Variants in PM20D2 observed in about 807,000 individuals in gnomAD.
PM20D2 encodes the protein peptidase M20 domain containing 2, also known as xaa-Arg dipeptidase.
A neutral mutation model predicts 42.9 loss-of-function variants in PM20D2; 33 were observed. That is an observed-to-expected ratio of 0.77 (90% CI 0.58 to 1.03). The LOEUF (loss-of-function observed/expected upper bound fraction) is 1.03, where lower values mean the gene tolerates loss of function less well. PM20D2 is among the 50% of genes least tolerant of loss of function. The probability of loss-of-function intolerance (pLI) is 0.00; values close to 1 mark genes in which losing one functional copy is unlikely to be tolerated. For synonymous variants in PM20D2, 250 were observed against 228.2 expected, an observed-to-expected ratio of 1.10 and a Z score of -0.86; for missense variants, 548 against 557.0, an observed-to-expected ratio of 0.98 and a Z score of 0.16.
At chr6:89,140,674 T>G in the PM20D2 span, among the ~76,000 whole-genome samples, 1 of 152,166 alleles carries the variant, frequency 6.6e-6, no homozygotes, top group Non-Finnish European at 1.5e-5. Context: ...GTACACACTG[T>G]GGGGAATCAG....
the PM20D2 span, among the ~76,000 whole-genome samples, chr6:89,130,804 A>G: frequency 1.6e-4 from 9 of 57,382 alleles, no homozygotes; most frequent in South Asian, 6.8e-4. Context: ...ATTCTTTTGT[A>G]TCTGGCTTCT....
In PM20D2 at chr6:89,162,488, T is replaced by G. The variant is rs1771280017; in HGVS notation, c.*225T>G. 2.6e-6 allele frequency: 1 copy of G among 380,196 alleles called. No homozygotes were observed. Among genetic ancestry groups the G allele is most frequent in the Non-Finnish European group, 4.7e-6 (1 of 213,828 alleles). 23.6% of individuals were successfully genotyped at this position (380,196 alleles called of 1,614,324 possible). A position where few individuals can be genotyped will look rare whatever the true frequency, so the allele number is the denominator to read the frequency against. On this transcript the variant is annotated 3_prime_UTR_variant, in exon 7 of 7. Coordinates refer to ENST00000275072, the MANE Select transcript of PM20D2 (RefSeq NM_001010853.3). ...TTATGATATTACAGGAGCTGGTATG[T>G]GATGCCATTCTTTCTTTTTTTTTAC...
the PM20D2 span, among the ~76,000 whole-genome samples, chr6:89,116,858 G>T: frequency 6.6e-6 from 1 of 151,858 alleles, no homozygotes; most frequent in Non-Finnish European, 1.5e-5. Context: ...CATCTCAGAT[G>T]ACTATGGAGT....
In PM20D2 at chr6:89,165,142, T is replaced by A. The variant is rs1001620331; in HGVS notation, c.*2879T>A. ...GAACAAAAGAAATTGATACAATAAG[T>A]TTTTTTTTTTAAGGATGATTGTCTA... is the stretch of plus-strand genomic sequence containing the variant. On this transcript the variant is annotated 3_prime_UTR_variant, in exon 7 of 7. Coordinates refer to ENST00000275072, the MANE Select transcript of PM20D2 (RefSeq NM_001010853.3). The A allele has an allele frequency of 2.1e-5, 3 of 145,604 alleles. No individual in the cohort carries two copies. The highest frequency in any genetic ancestry group is 4.6e-5 in the Non-Finnish European group (3 of 65,930). 9.0% of individuals were successfully genotyped at this position (145,604 alleles called of 1,614,324 possible). A position where few individuals can be genotyped will look rare whatever the true frequency, so the allele number is the denominator to read the frequency against.
intron 2 of PM20D2, among the ~76,000 whole-genome samples, chr6:89,151,231 ATTC>A (rs1770826807): frequency 7.0e-6 from 1 of 142,098 alleles, no homozygotes; most frequent in Non-Finnish European, 1.5e-5. Flanking sequence ...TTTCTTAAAA[ATTC>A]TTTTTTTTTT....
upstream of PM20D2, among the ~76,000 whole-genome samples, chr6:89,143,626 A>AT (rs945138713): frequency 3.0e-4 from 46 of 151,608 alleles, no homozygotes; most frequent in Admixed American, 1.7e-3. Context: ...GCTTGTATAC[A>AT]TTTTTTTTTG....
intron 4 of PM20D2, among the ~76,000 whole-genome samples, chr6:89,155,213 T>C (rs1770997385): frequency 6.6e-6 from 1 of 151,562 alleles, no homozygotes; most frequent in Non-Finnish European, 1.5e-5. Context: ...AGAATTGCTA[T>C]ATGTAGTTTC....
intron 2 of PM20D2, among the ~76,000 whole-genome samples, chr6:89,152,090 T>C (rs1454628470): frequency 6.9e-6 from 1 of 145,162 alleles, no homozygotes; most frequent in Admixed American, 6.7e-5. Context: ...GGGAGATGAG[T>C]ACCAAAAAAA....
At chr6:89,115,411 T>C in the PM20D2 span, among the ~76,000 whole-genome samples, 2 of 151,270 alleles carry the variant, frequency 1.3e-5, no homozygotes, top group African/African-American at 2.4e-5. Flanking sequence ...GTCTCCTGAG[T>C]AGCTGGGATT....
At chr6:89,133,435 T>C in the PM20D2 span, among the ~76,000 whole-genome samples, 2 of 151,048 alleles carry the variant, frequency 1.3e-5, no homozygotes, top group Admixed American at 1.3e-4. Flanking sequence ...GTGGATTCTA[T>C]AGAGTCTTCA....
the PM20D2 span, among the ~76,000 whole-genome samples, chr6:89,139,183 TTGATCCTC>T: frequency 1.3e-5 from 2 of 152,038 alleles, no homozygotes; most frequent in African/African-American, 4.8e-5. Context: ...CTGGGCTCAG[TTGATCCTC>T]CCTAATAGAT....
At chr6:89,117,961 C>T in the PM20D2 span, 1 of 1,469,498 alleles carries the variant, frequency 6.8e-7, no homozygotes, top group Non-Finnish European at 9.1e-7. Context: ...CCGCTGCTAC[C>T]ACCACAGGAG....
chr6:89,116,767 C>CT, the PM20D2 span, among the ~76,000 whole-genome samples: 1 of 132,146 alleles, frequency 7.6e-6, no homozygotes, highest in Non-Finnish European at 1.6e-5. Context: ...AAGAGCGAGA[C>CT]TTTGTCTAAA....
At chr6:89,140,287 A>T in the PM20D2 span, among the ~76,000 whole-genome samples, 2 of 151,538 alleles carry the variant, frequency 1.3e-5, no homozygotes, top group Non-Finnish European at 2.9e-5. Flanking sequence ...TTTATTAATG[A>T]CTTATCACAT....
chr6:89,141,769 C>T (rs1378260580), upstream of PM20D2, among the ~76,000 whole-genome samples: 1 of 152,150 alleles, frequency 6.6e-6, no homozygotes, highest in South Asian at 2.1e-4. Context: ...TTGTCTCTCT[C>T]CTGCTTAATA....
chr6:89,128,888 A>G, the PM20D2 span, among the ~76,000 whole-genome samples: 25 of 152,206 alleles, frequency 1.6e-4, no homozygotes, highest in Admixed American at 9.8e-4. Context: ...CTCAATATCT[A>G]TATGTGGCTG....
At chr6:89,114,204 G>C in the PM20D2 span, among the ~76,000 whole-genome samples, 1 of 152,172 alleles carries the variant, frequency 6.6e-6, no homozygotes, top group South Asian at 2.1e-4. Flanking sequence ...AAGGTGGGCG[G>C]ATTACCTGAC....
chr6:89,107,348 A>T, the PM20D2 span: 1 of 933,310 alleles, frequency 1.1e-6, no homozygotes, highest in Non-Finnish European at 1.7e-6. Context: ...CTTCAAAAGA[A>T]AGAACATCAT....
At chr6:89,098,414 A>C in the PM20D2 span, 1 of 875,490 alleles carries the variant, frequency 1.1e-6, no homozygotes, top group Non-Finnish European at 1.6e-6. Context: ...TTAAATGGAG[A>C]CCAAATTTTT....
Sources: gnomAD v4.1 joint callset for allele counts (sites outside exome capture counted in the v4.1 genomes callset) on GRCh38, gnomAD v4.1.1 for gene constraint, MANE v1.5 for transcripts, NCBI Gene and HGNC (gene_info 2026-07-23, HGNC 2026-07-21) for gene names.